The following TDP1 variants were observed in gnomAD, a reference collection of about 807,000 sequenced individuals.
TDP1 encodes the protein tyr-DNA phosphodiesterase 1.
Under a neutral mutation model 81.5 loss-of-function variants are expected in TDP1, and 64 were observed. The observed-to-expected ratio is 0.79, with a 90% CI of 0.64 to 0.97. The LOEUF is 0.97. Among genes scored for constraint, TDP1 ranks in the 50% least tolerant of loss-of-function variants. The pLI, the probability that TDP1 is intolerant of heterozygous loss-of-function variation, is 0.00. For synonymous variants in TDP1, 256 were observed against 264.3 expected (o/e 0.97, Z 0.30); for missense variants, 723 against 743.8 (o/e 0.97, Z 0.33).
At chr14:90,003,311 T>G (rs1897345719) in intron 14 of TDP1, among the ~76,000 whole-genome samples, 2 of 152,236 alleles carry the variant, frequency 1.3e-5, no homozygotes, top group African/African-American at 4.8e-5. Context: ...GATTTATACA[T>G]TCAGAGAAAC....
intron 7 of TDP1, among the ~76,000 whole-genome samples, chr14:89,976,525 CTCTTTTTTTTT>C: frequency 7.4e-6 from 1 of 135,566 alleles, no homozygotes; most frequent in African/African-American, 3.0e-5. Context: ...CTCAACAGAG[CTCTTTTTTTTT>C]TTTTTTTTTT....
intron 6 of TDP1, among the ~76,000 whole-genome samples, chr14:89,974,923 T>C (rs776745049): frequency 1.3e-5 from 2 of 152,262 alleles, no homozygotes; most frequent in Non-Finnish European, 2.9e-5. Context: ...ATGTTTTCTA[T>C]ATACATACCC....
chr14:90,031,550 G>A (rs953223700), intron 15 of TDP1, among the ~76,000 whole-genome samples: 7 of 151,940 alleles, frequency 4.6e-5, no homozygotes, highest in Admixed American at 1.3e-4. Flanking sequence ...CCAGCTGCTC[G>A]GGAGGCTGAG....
chr14:90,002,088 TA>T (rs1486790682), intron 14 of TDP1, among the ~76,000 whole-genome samples: 1 of 152,138 alleles, frequency 6.6e-6, no homozygotes, highest in Non-Finnish European at 1.5e-5. Flanking sequence ...ACATACACAA[TA>T]AAATAAATGG....
At chr14:90,001,066 G>T (rs1216062483) in intron 14 of TDP1, among the ~76,000 whole-genome samples, 1 of 152,016 alleles carries the variant, frequency 6.6e-6, no homozygotes, top group Non-Finnish European at 1.5e-5. Context: ...GTTCCTATTG[G>T]GTCTACGTAA....
At chr14:90,008,321 T>G (rs888170350) in intron 14 of TDP1, among the ~76,000 whole-genome samples, 3 of 152,228 alleles carry the variant, frequency 2.0e-5, no homozygotes, top group Non-Finnish European at 4.4e-5. Flanking sequence ...TTCTTCTGTT[T>G]CATTAGTTTT....
rs1464018873 is a variant in TDP1, at chr14:89,988,983, T to C, written c.1210T>C (p.Leu404=). 2 of 1,614,082 alleles carry C rather than the reference T, an allele frequency of 1.2e-6. No homozygotes were observed. Among genetic ancestry groups the C allele is most frequent in the Admixed American group, 1.7e-5 (1 of 60,024 alleles). Residue 404 remains leucine, a synonymous_variant, in exon 11 of 17, where the codon TTG becomes CTG. Transcript: ENST00000335725. ...VVGQFSSVGS[L]GADESKWLCS... is the part of the protein sequence containing the mutation. Reference sequence around the variant, plus strand: ...AGGTCAGTTTTCAAGCGTTGGCTCCTTGGGAGCCGATGAATCAAAGTGGTT... The same window carrying C: ...AGGTCAGTTTTCAAGCGTTGGCTCCCTGGGAGCCGATGAATCAAAGTGGTT...
intron 14 of TDP1, among the ~76,000 whole-genome samples, chr14:90,014,524 C>T (rs1319264848): frequency 1.3e-5 from 2 of 152,178 alleles, no homozygotes; most frequent in African/African-American, 4.8e-5. Context: ...ACACAGTTAA[C>T]ATTCTGTTTT....
At chr14:89,984,157 AT>A (rs1251189136) in intron 8 of TDP1, 14 of 985,306 alleles carry the variant, frequency 1.4e-5, no homozygotes, top group Non-Finnish European at 1.2e-6. Context: ...TAAGAGTAGA[AT>A]TCTTAACTCT....
chr14:89,994,364 G>A (rs1237108755), intron 14 of TDP1, among the ~76,000 whole-genome samples: 2 of 152,168 alleles, frequency 1.3e-5, no homozygotes, highest in African/African-American at 4.8e-5. Context: ...GCAGCTTGGA[G>A]ATTTAGTAAG....
intron 14 of TDP1, among the ~76,000 whole-genome samples, chr14:90,009,438 G>A (rs1354575249): frequency 6.6e-6 from 1 of 152,220 alleles, no homozygotes; most frequent in Non-Finnish European, 1.5e-5. Flanking sequence ...GGGGATAAGA[G>A]GCACTGATGG....
chr14:89,966,305 G>A (rs970442241), intron 4 of TDP1, 115 bp downstream of exon 4: 16 of 764,824 alleles, frequency 2.1e-5, no homozygotes, highest in Non-Finnish European at 3.8e-5. Flanking sequence ...TTCAAAGACT[G>A]AGATGGCACA....
chr14:90,016,454 G>A (rs1006382548), intron 14 of TDP1, among the ~76,000 whole-genome samples: 1 of 152,128 alleles, frequency 6.6e-6, no homozygotes, highest in Non-Finnish European at 1.5e-5. Flanking sequence ...CCCTCACCAG[G>A]TATGTATTTT....
At chr14:90,009,382 G>A (rs1172054725) in intron 14 of TDP1, among the ~76,000 whole-genome samples, 3 of 152,206 alleles carry the variant, frequency 2.0e-5, no homozygotes, top group Non-Finnish European at 4.4e-5. Flanking sequence ...ACAAAGTGTA[G>A]CAGAAAACAA....
rs1189648593 is a variant in TDP1, at chr14:89,985,208, A to G, written c.1129A>G (p.Lys377Glu). ...TAATTGGGGACATTTTAGACTTAAGAAGGTAACAGAACTTTTACTATTTTA... is the reference window on the plus strand; with the variant it reads ...TAATTGGGGACATTTTAGACTTAAGGAGGTAACAGAACTTTTACTATTTTA... ...KDNWGHFRLK[K>E]LLKDHASSMP... Residue 377 changes from lysine (K) to glutamate (E), a missense_variant and splice_region_variant, in exon 10 of 17, where the codon AAG (lysine) becomes GAG (glutamate). Coordinates refer to ENST00000335725, the MANE Select transcript of TDP1 (RefSeq NM_018319.4). 6.3e-7 allele frequency: 1 copy of G among 1,593,102 alleles called. No homozygotes were observed.
intron 16 of TDP1, among the ~76,000 whole-genome samples, chr14:90,038,608 C>G (rs1046886971): frequency 6.6e-6 from 1 of 152,132 alleles, no homozygotes; most frequent in Non-Finnish European, 1.5e-5. Context: ...GAGGCAGAGG[C>G]GGGCAGATCA....
chr14:89,962,764 C>T (rs772769669), intron 2 of TDP1: 9 of 219,964 alleles, frequency 4.1e-5, no homozygotes, highest in Admixed American at 2.0e-4. Context: ...TCCAGCTATT[C>T]GAGAGGATGA....
intron 14 of TDP1, among the ~76,000 whole-genome samples, chr14:90,007,927 A>G (rs1884238857): frequency 6.6e-6 from 1 of 151,870 alleles, no homozygotes; most frequent in South Asian, 2.1e-4. Context: ...ATTTTTTTCC[A>G]TTGGCTTTTG....
intron 6 of TDP1, among the ~76,000 whole-genome samples, chr14:89,974,405 T>C (rs35069748): frequency 1.6e-4 from 25 of 152,320 alleles, no homozygotes; most frequent in Non-Finnish European, 3.1e-4. Flanking sequence ...TTTGGTAATT[T>C]TGAAAACATG....
Sources: gnomAD v4.1 joint callset for allele counts (sites outside exome capture counted in the v4.1 genomes callset) on GRCh38, gnomAD v4.1.1 for gene constraint, MANE v1.5 for transcripts, NCBI Gene and HGNC (gene_info 2026-07-23, HGNC 2026-07-21) for gene names.